Variants in XYLT1 observed in about 807,000 individuals in gnomAD.
XYLT1 encodes the protein beta-D-xylosyltransferase 1.
A neutral mutation model predicts 91.3 loss-of-function variants in XYLT1; 36 were observed. The ratio of observed to expected loss-of-function variants is 0.39; its 90% CI spans 0.30 to 0.52. The LOEUF (loss-of-function observed/expected upper bound fraction) is 0.52. Among genes scored for constraint, XYLT1 ranks in the 20% least tolerant of loss-of-function variants. The probability of loss-of-function intolerance (pLI) is 0.68; values close to 1 mark genes in which losing one functional copy is unlikely to be tolerated. For synonymous variants in XYLT1, 588 were observed against 532.0 expected (o/e 1.11, Z -1.45); for missense variants, 1,242 against 1,284.5 (o/e 0.97, Z 0.51).
At chr16:17,219,431 A>G (rs12598082) in intron 3 of XYLT1, among the ~76,000 whole-genome samples, 43,258 of 152,028 alleles carry the variant, frequency 0.28, 7,371 homozygotes, top group East Asian at 0.54. Flanking sequence ...TGAACGCTAC[A>G]TCTTGTCTTT....
intron 6 of XYLT1, among the ~76,000 whole-genome samples, chr16:17,142,027 C>T (rs1440903287): frequency 1.3e-5 from 2 of 152,168 alleles, no homozygotes; most frequent in East Asian, 3.9e-4. Flanking sequence ...CCTCCAGCTC[C>T]TGAGTAGCTA....
At chr16:17,249,443 C>G (rs368383127) in intron 3 of XYLT1, among the ~76,000 whole-genome samples, 2 of 152,164 alleles carry the variant, frequency 1.3e-5, no homozygotes, top group Admixed American at 1.3e-4. Context: ...AAGATGAGTA[C>G]GATCAGGCCC....
chr16:17,406,011 CCCA>C (rs202215227), intron 1 of XYLT1, among the ~76,000 whole-genome samples: 2,877 of 152,132 alleles, frequency 0.019, 85 homozygotes, highest in African/African-American at 0.064. Context: ...ATGGAGAAAC[CCCA>C]CTTCTACTAA....
intron 1 of XYLT1, among the ~76,000 whole-genome samples, chr16:17,398,813 T>TCCCCG (rs2035923380): frequency 3.3e-5 from 2 of 61,120 alleles, no homozygotes; most frequent in Non-Finnish European, 3.3e-5. Flanking sequence ...TGTCCAAATG[T>TCCCCG]CCCCGCCCCC....
intron 1 of XYLT1, among the ~76,000 whole-genome samples, chr16:17,466,381 G>A (rs547986721): frequency 6.6e-6 from 1 of 152,232 alleles, no homozygotes; most frequent in African/African-American, 2.4e-5. Context: ...GCGGGGTGTG[G>A]GGGGCAGACT....
chr16:17,423,207 G>A (rs1479149384), intron 1 of XYLT1, among the ~76,000 whole-genome samples: 2 of 152,142 alleles, frequency 1.3e-5, no homozygotes, highest in Non-Finnish European at 2.9e-5. Context: ...CCTTAAACTG[G>A]AGTAGGTGCT....
intron 6 of XYLT1, among the ~76,000 whole-genome samples, chr16:17,149,975 C>T (rs529420729): frequency 2.6e-5 from 4 of 152,250 alleles, no homozygotes; most frequent in African/African-American, 7.2e-5. Flanking sequence ...TCTATCTGTC[C>T]TATTCTCTCT....
At chr16:17,118,972 C>T (rs2029953582) in intron 10 of XYLT1, among the ~76,000 whole-genome samples, 2 of 152,140 alleles carry the variant, frequency 1.3e-5, no homozygotes, top group South Asian at 4.1e-4. Context: ...TGACCACCCC[C>T]CACCCCAAAT....
intron 1 of XYLT1, among the ~76,000 whole-genome samples, chr16:17,421,731 C>T (rs891129293): frequency 2.0e-5 from 3 of 152,222 alleles, no homozygotes; most frequent in African/African-American, 7.2e-5. Context: ...ACAAACCTCC[C>T]AGCAGAGCCC....
intron 2 of XYLT1, among the ~76,000 whole-genome samples, chr16:17,335,026 T>C (rs6498683): frequency 0.64 from 96,666 of 151,898 alleles, 31,463 homozygotes; most frequent in African/African-American, 0.71. Context: ...GAGTTCGAAA[T>C]GAGCCTGGCC....
intron 1 of XYLT1, among the ~76,000 whole-genome samples, chr16:17,465,143 CAAAA>C (rs35623153): frequency 5.6e-5 from 2 of 35,882 alleles, no homozygotes; most frequent in East Asian, 9.5e-4. Context: ...GATGCTGTCT[CAAAA>C]AAAAAAAAAA....
rs562428038 is a variant in XYLT1 at position 17,333,882 on chromosome 16, C to T, written c.402+24130G>A. ...GGATTAAAACTGTGAGCCACACGCCCGGCCTCATGTTGAAATTTAATCCCC... is the reference window on the plus strand; with the variant it reads ...GGATTAAAACTGTGAGCCACACGCCTGGCCTCATGTTGAAATTTAATCCCC... On this transcript the variant is annotated intron_variant, in intron 2 of 11. Coordinates refer to ENST00000261381, the MANE Select transcript of XYLT1 (RefSeq NM_022166.4). 5.9e-5 allele frequency among the ~76,000 whole-genome samples: 9 copies of T among 152,230 alleles called. No homozygotes were observed. The East Asian group carries it at 7.7e-4, about 13-fold the overall frequency.
At chr16:17,304,351 T>C (rs2034441729) in intron 2 of XYLT1, among the ~76,000 whole-genome samples, 1 of 152,188 alleles carries the variant, frequency 6.6e-6, no homozygotes, top group Admixed American at 6.5e-5. Context: ...ACTATCTCTG[T>C]CAGTGTGTCT....
intron 2 of XYLT1, among the ~76,000 whole-genome samples, chr16:17,286,540 C>T (rs548416381): frequency 2.6e-4 from 39 of 152,340 alleles, no homozygotes; most frequent in African/African-American, 8.9e-4. Flanking sequence ...ATCAACACAG[C>T]ACTAAAATTG....
chr16:17,227,653 G>C (rs1025890077), intron 3 of XYLT1: 4 of 152,276 alleles, frequency 2.6e-5, no homozygotes, highest in African/African-American at 9.6e-5. Flanking sequence ...TTCATCAGGG[G>C]AGTGATGTGA....
At chr16:17,443,715 C>CGTTT (rs2036559634) in intron 1 of XYLT1, among the ~76,000 whole-genome samples, 1 of 152,190 alleles carries the variant, frequency 6.6e-6, no homozygotes, top group Non-Finnish European at 1.5e-5. Flanking sequence ...AACTAATCAC[C>CGTTT]TAACCCCATG....
At chr16:17,120,849 TGTC>T (rs1233845992) in intron 10 of XYLT1, among the ~76,000 whole-genome samples, 1 of 152,200 alleles carries the variant, frequency 6.6e-6, no homozygotes, top group Non-Finnish European at 1.5e-5. Flanking sequence ...GAGCACCTAT[TGTC>T]TATTGATCGA....
chr16:17,291,090 A>G (rs2034217399), intron 2 of XYLT1, among the ~76,000 whole-genome samples: 1 of 152,186 alleles, frequency 6.6e-6, no homozygotes, highest in Admixed American at 6.5e-5. Flanking sequence ...GCACACCACC[A>G]CACCTGGTTA....
rs957425920 is a variant in XYLT1, at chr16:17,102,328, A to G, written c.*6367T>C. On this transcript the variant is annotated 3_prime_UTR_variant, in exon 12 of 12. Coordinates refer to ENST00000261381, the MANE Select transcript of XYLT1 (RefSeq NM_022166.4). ...AGAAGCCACATATAGTCACTGTTCC[A>G]TAAAGGCAGTGTTTTTTTAATTTTA... 2 of 152,674 alleles carry G rather than the reference A, an allele frequency of 1.3e-5. No homozygotes were observed. The highest frequency in any genetic ancestry group is 2.4e-5 in the African/African-American group (1 of 41,464). 9.5% of individuals were successfully genotyped at this position (152,674 alleles called of 1,614,324 possible).
Sources: allele counts gnomAD v4.1 joint callset (sites outside exome capture counted in the v4.1 genomes callset), GRCh38; gene constraint gnomAD v4.1.1; transcripts MANE v1.5; gene names NCBI Gene and HGNC (gene_info 2026-07-23, HGNC 2026-07-21).